XRCC2: variants seen among roughly 807,000 people sequenced by gnomAD.
XRCC2 encodes X-ray repair cross complementing 2, also known as DNA repair protein XRCC2.
In XRCC2, 24 loss-of-function variants were observed where a neutral mutation model predicts 27.3. The ratio of observed to expected loss-of-function variants is 0.88; its 90% CI spans 0.64 to 1.24. XRCC2 has a LOEUF of 1.24. Among genes scored for constraint, XRCC2 ranks in the 50% most tolerant of loss-of-function variants. The pLI is 0.00. For synonymous variants in XRCC2, 106 were observed against 115.4 expected (o/e 0.92, Z 0.52); for missense variants, 321 against 325.8 (o/e 0.99, Z 0.11).
rs1436176881 is a variant in XRCC2 at position 152,648,146 on chromosome 7, C to T, written c.*496G>A. 1 of 152,436 alleles carries T rather than the reference C, an allele frequency of 6.6e-6. No homozygotes were observed. The highest frequency in any genetic ancestry group is 1.9e-4 in the East Asian group (1 of 5,198). The allele number at this position is 152,436 out of a possible 1,614,324, so 9.4% of individuals were successfully genotyped here. On this transcript the variant is annotated 3_prime_UTR_variant, in exon 3 of 3. Transcript: ENST00000359321. ...TTAAAACTTTAGGGCTGGGCACGGG[C>T]CTGTAATCCTAGCACTTTGGGAGGC...
At chr7:152,666,112 T>C (rs2098035521) in intron 1 of XRCC2, among the ~76,000 whole-genome samples, 1 of 152,244 alleles carries the variant, frequency 6.6e-6, no homozygotes, top group Admixed American at 6.5e-5. Context: ...TTTATAAAAA[T>C]ATTCAATGTG....
rs551493055 is a variant in XRCC2 at position 152,675,208 on chromosome 7, C to G, written c.39+833G>C. Among the ~76,000 whole-genome samples, 3 of 152,184 alleles carry G rather than the reference C, an allele frequency of 2.0e-5. No homozygotes were observed. The South Asian group carries it at 6.2e-4, about 32-fold the overall frequency. On this transcript the variant is annotated intron_variant, in intron 1 of 2. Transcript: ENST00000359321. ...GCCATGCTCTTGCTTAATTCAGAATCCATGTACTCCCGACTGTCTCCGCTC... is the reference window on the plus strand; with the variant it reads ...GCCATGCTCTTGCTTAATTCAGAATGCATGTACTCCCGACTGTCTCCGCTC...
rs1554410140 is a variant in XRCC2, at chr7:152,646,301, G to GGGGTGTGTGTGTGTGTGTGTGTGT, written c.*2340_*2341insACACACACACACACACACACACCC. ...GCCACGTATTCTAAGTCTGTGAGAG[G>GGGGTGTGTGTGTGTGTGTGTGTGT]GTGTGTGTGTGTGTGTGTGTGTGTG... On this transcript the variant is annotated 3_prime_UTR_variant, in exon 3 of 3. Coordinates refer to ENST00000359321, the MANE Select transcript of XRCC2 (RefSeq NM_005431.2). The GGGGTGTGTGTGTGTGTGTGTGTGT allele has an allele frequency of 3.4e-5, 5 of 149,076 alleles. No individual in the cohort carries two copies. The highest frequency in any genetic ancestry group is 9.9e-5 in the African/African-American group (4 of 40,510). 9.2% of individuals were successfully genotyped at this position (149,076 alleles called of 1,614,324 possible).
At chr7:152,653,917 C>T (rs548106926) in intron 2 of XRCC2, among the ~76,000 whole-genome samples, 9 of 152,074 alleles carry the variant, frequency 5.9e-5, no homozygotes, top group Non-Finnish European at 8.8e-5. Context: ...GATGGTAAGC[C>T]GGGCGCGGTG....
chr7:152,650,223 C>A (rs1361095476), intron 2 of XRCC2, among the ~76,000 whole-genome samples: 4 of 152,210 alleles, frequency 2.6e-5, no homozygotes, highest in Admixed American at 1.3e-4. Flanking sequence ...ACCCTAAATG[C>A]CAACAGCATC....
intron 1 of XRCC2, among the ~76,000 whole-genome samples, chr7:152,665,101 G>A (rs971897506): frequency 6.6e-6 from 1 of 152,088 alleles, no homozygotes; most frequent in Non-Finnish European, 1.5e-5. Flanking sequence ...CCCATCCAAG[G>A]AGAAGGATGA....
intron 2 of XRCC2, among the ~76,000 whole-genome samples, chr7:152,653,282 C>T (rs992955014): frequency 6.6e-6 from 1 of 152,082 alleles, no homozygotes; most frequent in Non-Finnish European, 1.5e-5. Context: ...TGTGAGGCTT[C>T]CCCAGCCACA....
intron 1 of XRCC2, 66 bp from the exon 2 acceptor site, chr7:152,660,848 A>G (rs1331665478): frequency 2.9e-6 from 4 of 1,366,658 alleles, no homozygotes; most frequent in East Asian, 2.3e-5. Context: ...ATCTATATTT[A>G]TACCATTTTC....
chr7:152,670,596 T>C (rs1177514890), intron 1 of XRCC2, among the ~76,000 whole-genome samples: 1 of 150,896 alleles, frequency 6.6e-6, no homozygotes, highest in Non-Finnish European at 1.5e-5. Flanking sequence ...AGAATACATA[T>C]TATATAGGCT....
intron 1 of XRCC2, among the ~76,000 whole-genome samples, chr7:152,670,890 C>T (rs2117009334): frequency 6.6e-6 from 1 of 152,296 alleles, no homozygotes. Flanking sequence ...CACGCCCAGC[C>T]CATACAGATG....
Position 152,648,865 on chromosome 7 carries a change from T to C in XRCC2, c.620A>G (p.Glu207Gly), listed in dbSNP as rs61762969. 195 of 1,613,908 alleles carry C rather than the reference T, an allele frequency of 1.2e-4. 1 individual carries two copies. Among genetic ancestry groups the C allele is most frequent in the Non-Finnish European group, 1.6e-4 (190 of 1,179,912 alleles). Residue 207 changes from glutamate (E) to glycine (G), a missense_variant, in exon 3 of 3, where the codon GAA (glutamate) becomes GGA (glycine). Coordinates refer to ENST00000359321, the MANE Select transcript of XRCC2 (RefSeq NM_005431.2). Reference sequence around the variant, plus strand: ...TCGTCGAGAGGCATGAGAAGGTTCTTCTGATGAGCTCGAGGCTTTCTGCAT... The same window carrying C: ...TCGTCGAGAGGCATGAGAAGGTTCTCCTGATGAGCTCGAGGCTTTCTGCAT... ...TIMQKASSSS[E>G]EPSHASRRLC...
intron 1 of XRCC2, among the ~76,000 whole-genome samples, chr7:152,663,597 G>A (rs1288829146): frequency 1.3e-5 from 2 of 152,064 alleles, no homozygotes; most frequent in Admixed American, 1.3e-4. Flanking sequence ...CTAGTCCCTC[G>A]GGAGGACAAG....
At position 152,647,288 on chromosome 7, in the gene XRCC2, T is replaced by C. The variant is rs2098026428; in HGVS notation, c.*1354A>G. ...TAAATTTGTTTAAATTACGTATAGA[T>C]GCTGGATTTCAGACCTTTCTCAGAT... is the stretch of plus-strand genomic sequence containing the variant. On this transcript the variant is annotated 3_prime_UTR_variant, in exon 3 of 3. Transcript: ENST00000359321. 1 of 151,608 alleles carries C rather than the reference T, an allele frequency of 6.6e-6. No individual in the cohort carries two copies. The highest frequency in any genetic ancestry group is 1.5e-5 in the Non-Finnish European group (1 of 68,020). 9.4% of individuals were successfully genotyped at this position (151,608 alleles called of 1,614,324 possible). A position where few individuals can be genotyped will look rare whatever the true frequency, so the allele number is the denominator to read the frequency against.
chr7:152,650,767 T>C (rs1256745047), intron 2 of XRCC2, among the ~76,000 whole-genome samples: 1 of 151,856 alleles, frequency 6.6e-6, no homozygotes, highest in Non-Finnish European at 1.5e-5. Context: ...GCACCTGTAA[T>C]CCCAGCTACT....
In XRCC2 at chr7:152,660,720, A is replaced by G. The variant is rs1454417236; in HGVS notation, c.102T>C (p.Asp34=). ...TTTTACCATGCACAGGTGAATCTTC[A>G]TCAGCAAACAGATTTGGTTCTATTT... ...LKEIEPNLFA[D]EDSPVHGDIL... is the part of the protein sequence containing the mutation. The change falls in exon 2 of 3, where the codon GAT becomes GAC. Residue 34 remains aspartate (D), a synonymous_variant. Transcript: ENST00000359321. The G allele has an allele frequency of 6.2e-6, 10 of 1,613,326 alleles. No homozygotes were observed. In the African/African-American group the frequency reaches 8.0e-5, roughly 13 times the overall value.
At chr7:152,659,979 T>A (rs1344865840) in intron 2 of XRCC2, among the ~76,000 whole-genome samples, 6 of 152,186 alleles carry the variant, frequency 3.9e-5, no homozygotes, top group Admixed American at 3.3e-4. Flanking sequence ...TGATACGTGT[T>A]ATGAAATGGT....
At position 152,646,052 on chromosome 7, in the gene XRCC2, C is replaced by T. The variant is rs1250623151; in HGVS notation, c.*2590G>A. On this transcript the variant is annotated 3_prime_UTR_variant, in exon 3 of 3. Coordinates refer to ENST00000359321, the MANE Select transcript of XRCC2 (RefSeq NM_005431.2). ...ACACCATCTCCTCTGTGCTTTGGAT[C>T]TGTCCTGCTGTATTCGGTTCTTTTA... 1.3e-5 allele frequency: 2 copies of T among 152,188 alleles called. No homozygotes were observed. The highest frequency in any genetic ancestry group is 2.9e-5 in the Non-Finnish European group (2 of 68,044). 9.4% of individuals were successfully genotyped at this position (152,188 alleles called of 1,614,324 possible).
At chr7:152,673,380 C>T (rs3218394) in intron 1 of XRCC2, among the ~76,000 whole-genome samples, 7,947 of 151,940 alleles carry the variant, frequency 0.052, 260 homozygotes, top group East Asian at 0.12. Context: ...GACAGGGTTT[C>T]TCTCTAACTC....
intron 1 of XRCC2, among the ~76,000 whole-genome samples, chr7:152,664,809 G>A (rs752084445): frequency 7.2e-5 from 11 of 152,276 alleles, no homozygotes; most frequent in Non-Finnish European, 1.5e-4. Context: ...ACTGGTTGCA[G>A]CTGGCACCAG....
Sources: gnomAD v4.1 joint callset for allele counts (sites outside exome capture counted in the v4.1 genomes callset) on GRCh38, gnomAD v4.1.1 for gene constraint, MANE v1.5 for transcripts, NCBI Gene and HGNC (gene_info 2026-07-23, HGNC 2026-07-21) for gene names.